Variants in B9D1 observed in about 807,000 individuals in gnomAD.
B9D1 encodes the protein B9 domain containing 1.
B9D1 carries 20 observed loss-of-function variants against 26.1 expected under a neutral mutation model. The observed-to-expected ratio is 0.77, with a 90% CI of 0.54 to 1.12. The LOEUF (loss-of-function observed/expected upper bound fraction) is 1.12. B9D1 is among the 50% of genes most tolerant of loss of function. B9D1 has a pLI of 0.00. For synonymous variants in B9D1, 105 were observed against 103.1 expected, an observed-to-expected ratio of 1.02 and a Z score of -0.11; for missense variants, 260 against 273.7, an observed-to-expected ratio of 0.95 and a Z score of 0.35.
chr17:19,340,039 C>CG (rs1267740122), downstream of B9D1, among the ~76,000 whole-genome samples: 1 of 143,336 alleles, frequency 7.0e-6, no homozygotes, highest in East Asian at 2.4e-4. Context: ...CCCAACCCCC[C>CG]CCCCCCCCCG....
chr17:19,335,589 C>CG, downstream of B9D1: 4 of 977,140 alleles, frequency 4.1e-6, no homozygotes, highest in South Asian at 2.0e-5. Flanking sequence ...CCACGGGTCC[C>CG]TGGGCAACAG....
At chr17:19,356,134 C>T (rs1165066782) in intron 3 of B9D1, among the ~76,000 whole-genome samples, 1 of 152,052 alleles carries the variant, frequency 6.6e-6, no homozygotes, top group Admixed American at 6.6e-5. Flanking sequence ...CTTTGTCACC[C>T]AGGCTGGAGT....
intron 3 of B9D1, among the ~76,000 whole-genome samples, chr17:19,351,013 AT>A (rs1909527926): frequency 6.6e-6 from 1 of 151,902 alleles, no homozygotes; most frequent in Non-Finnish European, 1.5e-5. Context: ...TAATTTTTGT[AT>A]TTTTAGTAGA....
upstream of B9D1, among the ~76,000 whole-genome samples, chr17:19,367,012 G>A (rs751093996): frequency 2.5e-4 from 38 of 152,252 alleles, no homozygotes; most frequent in East Asian, 3.9e-4. Context: ...TGTCTAGGGC[G>A]GTCACGAGAC....
chr17:19,343,337 G>A lies in B9D1; in HGVS notation c.597C>T (p.Pro199=). Residue 199 remains proline, a synonymous_variant, in exon 7 of 7, where the codon CCC becomes CCT. Transcript: ENST00000261499. ...GGAGCCTTCACTGGGGGAAGCTCTG[G>A]GGTGGGCTGGGCCCCAACACACCCT... ...DTQGVLGPSP[P]QSFPQ is the part of the protein sequence containing the mutation. 1 of 1,614,170 alleles carries A rather than the reference G, an allele frequency of 6.2e-7. No individual in the cohort carries two copies. The highest frequency in any genetic ancestry group is 8.5e-7 in the Non-Finnish European group (1 of 1,180,016).
chr17:19,353,602 T>C (rs1311703125), intron 3 of B9D1, among the ~76,000 whole-genome samples: 1 of 151,468 alleles, frequency 6.6e-6, no homozygotes, highest in Non-Finnish European at 1.5e-5. Flanking sequence ...CCGCCCGCCA[T>C]TGCACTCCAG....
intron 3 of B9D1, 106 bp downstream of exon 3, chr17:19,357,734 G>T: frequency 1.2e-6 from 1 of 845,658 alleles, no homozygotes; most frequent in South Asian, 1.3e-5. Context: ...GAGCCCAGGT[G>T]ACAATCTGAA....
intron 3 of B9D1, among the ~76,000 whole-genome samples, chr17:19,350,294 C>T (rs1909423991): frequency 6.6e-6 from 1 of 152,088 alleles, no homozygotes; most frequent in African/African-American, 2.4e-5. Flanking sequence ...ACCTGTAATC[C>T]CAGCACTTTG....
intron 1 of B9D1, chr17:19,377,726 T>C (rs1912214903): frequency 1.7e-6 from 1 of 579,374 alleles, no homozygotes; most frequent in Admixed American, 6.4e-5. Context: ...TCGGGACAGC[T>C]CGGTTCCAGC....
At chr17:19,371,807 A>G (rs923656875) in intron 1 of B9D1, among the ~76,000 whole-genome samples, 1 of 152,186 alleles carries the variant, frequency 6.6e-6, no homozygotes, top group Non-Finnish European at 1.5e-5. Context: ...CTGCAGAAAG[A>G]CAACTGCCTG....
chr17:19,366,901 T>C (rs1226374901), upstream of B9D1, among the ~76,000 whole-genome samples: 2 of 152,070 alleles, frequency 1.3e-5, no homozygotes, highest in Non-Finnish European at 2.9e-5. Flanking sequence ...GGCAGGTCCA[T>C]GCAAACCAGA....
chr17:19,344,554 C>T (rs1442233983), intron 5 of B9D1: 5 of 248,002 alleles, frequency 2.0e-5, no homozygotes, highest in African/African-American at 4.7e-5. Context: ...GCACTATTCC[C>T]GGCCGGGTGG....
downstream of B9D1, chr17:19,337,720 C>G (rs1907564764): frequency 6.5e-7 from 1 of 1,534,728 alleles, no homozygotes; most frequent in Non-Finnish European, 8.7e-7. Context: ...TGAAACACTG[C>G]TATCTTTGAC....
At chr17:19,374,098 T>C (rs1048710325) in intron 1 of B9D1, among the ~76,000 whole-genome samples, 4 of 152,238 alleles carry the variant, frequency 2.6e-5, no homozygotes, top group African/African-American at 7.2e-5. Flanking sequence ...CAAAAAGATA[T>C]ACTTGGTCTT....
At chr17:19,368,718 G>A (rs1227681438) in intron 1 of B9D1, among the ~76,000 whole-genome samples, 1 of 152,174 alleles carries the variant, frequency 6.6e-6, no homozygotes. Flanking sequence ...GCTGGGGCAG[G>A]AGGATCATTC....
intron 3 of B9D1, among the ~76,000 whole-genome samples, chr17:19,352,563 C>T (rs1909767450): frequency 7.0e-6 from 1 of 143,290 alleles, no homozygotes; most frequent in Non-Finnish European, 1.5e-5. Flanking sequence ...CTCTTGTTGC[C>T]CAGGCTGGAG....
At chr17:19,350,221 G>A (rs1174029599) in intron 3 of B9D1, among the ~76,000 whole-genome samples, 1 of 152,038 alleles carries the variant, frequency 6.6e-6, no homozygotes, top group African/African-American at 2.4e-5. Flanking sequence ...ACCAGCCTGG[G>A]TAACGTGGCA....
chr17:19,346,544 G>A lies in B9D1; in HGVS notation c.404+725C>T, dbSNP rs138538107. 3.0e-4 allele frequency among the ~76,000 whole-genome samples: 46 copies of A among 152,326 alleles called. No individual in the cohort carries two copies. In the East Asian group the frequency reaches 8.5e-3, roughly 28 times the overall value. On this transcript the variant is annotated intron_variant, in intron 5 of 6. Transcript: ENST00000261499. ...CTGCCCAACTGCGCTAATGGTCCTC[G>A]AGTCAGAAGGCCAGGGCCCAGCTGG...
upstream of B9D1, chr17:19,362,859 G>C (rs1911326119): frequency 1.5e-6 from 1 of 666,246 alleles, no homozygotes; most frequent in African/African-American, 1.8e-5. Flanking sequence ...GGTAAAGCCA[G>C]CCCTACCGCT....
Sources: allele counts gnomAD v4.1 joint callset (sites outside exome capture counted in the v4.1 genomes callset), GRCh38; gene constraint gnomAD v4.1.1; transcripts MANE v1.5; gene names NCBI Gene and HGNC (gene_info 2026-07-23, HGNC 2026-07-21).